Variants in SCNN1B observed in about 807,000 individuals in gnomAD.
SCNN1B encodes the protein epithelial sodium channel subunit beta.
SCNN1B carries 46 observed loss-of-function variants against 65.3 expected under a neutral mutation model. The ratio of observed to expected loss-of-function variants is 0.70; its 90% CI spans 0.56 to 0.90. SCNN1B has a LOEUF of 0.90. Ranked by LOEUF, SCNN1B falls within the 40% of genes least tolerant of loss-of-function variation. The pLI, the probability that SCNN1B is intolerant of heterozygous loss-of-function variation, is 0.00. For synonymous variants in SCNN1B, 349 were observed against 330.6 expected, an observed-to-expected ratio of 1.06 and a Z score of -0.60; for missense variants, 751 against 830.5, an observed-to-expected ratio of 0.90 and a Z score of 1.18.
intron 1 of SCNN1B, among the ~76,000 whole-genome samples, chr16:23,347,112 A>G (rs543022989): frequency 6.6e-6 from 1 of 152,240 alleles, no homozygotes; most frequent in East Asian, 1.9e-4. Context: ...AACAAACAAA[A>G]AGCCAGAAAA....
At chr16:23,368,496 C>G (rs547401704) in intron 5 of SCNN1B, among the ~76,000 whole-genome samples, 5 of 152,244 alleles carry the variant, frequency 3.3e-5, no homozygotes, top group African/African-American at 9.6e-5. Flanking sequence ...GAGCCATGAT[C>G]ACACCACTGC....
Position 23,380,553 on chromosome 16 carries a change from G to A in SCNN1B, c.1675G>A (p.Ala559Thr), listed in dbSNP as rs781120042. Residue 559 changes from alanine (A) to threonine (T), a missense_variant, in exon 13 of 13, where the codon GCC (alanine) becomes ACC (threonine). Transcript: ENST00000343070. This position sits in a 1 kb window ranked among gnomAD's most constrained non-coding sequence, Gnocchi z 5.4. ...CACCATCATCAAGCTGGTGGCCTTGGCCAAGAGCCTACGGCAGCGGCGAGC... is the reference window on the plus strand; with the variant it reads ...CACCATCATCAAGCTGGTGGCCTTGACCAAGAGCCTACGGCAGCGGCGAGC... ...WITIIKLVAL[A>T]KSLRQRRAQA... 7 of 1,614,160 alleles carry A rather than the reference G, an allele frequency of 4.3e-6. No individual in the cohort carries two copies. The highest frequency in any genetic ancestry group is 2.2e-5 in the South Asian group (2 of 91,086).
intron 1 of SCNN1B, among the ~76,000 whole-genome samples, chr16:23,316,257 C>A (rs1263723266): frequency 6.7e-6 from 1 of 148,958 alleles, no homozygotes; most frequent in African/African-American, 2.5e-5. Flanking sequence ...ATCATCACAA[C>A]CATTATCACC....
intron 1 of SCNN1B, among the ~76,000 whole-genome samples, chr16:23,279,030 A>G (rs1003121935): frequency 6.6e-6 from 1 of 151,744 alleles, no homozygotes; most frequent in Non-Finnish European, 1.5e-5. Context: ...GGGTGTTGAA[A>G]AAAAGCCTCC....
chr16:23,279,044 G>T (rs558396252), intron 1 of SCNN1B, among the ~76,000 whole-genome samples: 1 of 151,432 alleles, frequency 6.6e-6, no homozygotes, highest in African/African-American at 2.4e-5. Context: ...AGCCTCCAAA[G>T]TCTTTGGTCT....
At chr16:23,375,308 A>G (rs1962870516) in intron 7 of SCNN1B, among the ~76,000 whole-genome samples, 2 of 152,186 alleles carry the variant, frequency 1.3e-5, no homozygotes, top group South Asian at 4.2e-4. Flanking sequence ...GAAGGAGCAC[A>G]GAGCCAGCCT....
At chr16:23,317,725 T>C (rs1961502561) in intron 1 of SCNN1B, among the ~76,000 whole-genome samples, 1 of 152,118 alleles carries the variant, frequency 6.6e-6, no homozygotes, top group Admixed American at 6.5e-5. Context: ...TTTTTGATGA[T>C]TTGCTTCTAA....
rs199810483 is a variant in SCNN1B at position 23,352,917 on chromosome 16, C to T, written c.428C>T (p.Ser143Phe). Residue 143 changes from serine (S) to phenylalanine (F), a missense_variant, in exon 3 of 13, where the codon TCC (serine) becomes TTC (phenylalanine). Physicochemically the swap from Ser to Phe is radical, Grantham distance 155 (BLOSUM62 -2). Coordinates refer to ENST00000343070, the MANE Select transcript of SCNN1B (RefSeq NM_000336.3). The part of the protein sequence containing the change: ...HANATRNLNF[S>F]IWNHTPLVLI... ...AATGCCACCAGGAACCTGAACTTCT[C>T]CATCTGGAACCACACACCCCTGGTC... 140 of 1,614,204 alleles carry T rather than the reference C, an allele frequency of 8.7e-5. No homozygotes were observed. The highest frequency in any genetic ancestry group is 3.3e-4 in the Middle Eastern group (2 of 6,062).
rs751407475 is a variant in SCNN1B, at chr16:23,375,845, C to T, written c.1260C>T (p.Phe420=). 2.5e-6 allele frequency: 4 copies of T among 1,610,528 alleles called. No homozygotes were observed. Among genetic ancestry groups the T allele is most frequent in the South Asian group, 2.2e-5 (2 of 91,016 alleles). ...RGEKYCNNRD[F]PDWAHCYSDL... is the part of the protein sequence containing the mutation. ...AGAAATACTGCAACAACCGGGACTTCCCAGACTGGGGTGAGCGGGGGCACG... is the reference window on the plus strand; with the variant it reads ...AGAAATACTGCAACAACCGGGACTTTCCAGACTGGGGTGAGCGGGGGCACG... Residue 420 remains phenylalanine, a synonymous_variant, in exon 8 of 13, where the codon TTC becomes TTT. Transcript: ENST00000343070.
chr16:23,368,293 C>T (rs1382259195), intron 5 of SCNN1B, among the ~76,000 whole-genome samples: 1 of 152,164 alleles, frequency 6.6e-6, no homozygotes, highest in Non-Finnish European at 1.5e-5. Context: ...AATCCCAACA[C>T]TTTGGGAGGC....
intron 2 of SCNN1B, among the ~76,000 whole-genome samples, chr16:23,284,729 C>A (rs1012819049): frequency 2.0e-5 from 3 of 152,192 alleles, no homozygotes; most frequent in African/African-American, 7.2e-5. Flanking sequence ...GGAGAGCACA[C>A]CCCATGTCTA....
intron 10 of SCNN1B, among the ~76,000 whole-genome samples, chr16:23,377,656 CTTCTTT>C (rs1962938306): frequency 6.8e-6 from 1 of 146,822 alleles, no homozygotes; most frequent in Admixed American, 6.8e-5. Flanking sequence ...TCCCTCCCTT[CTTCTTT>C]CCTTCCTTCC....
At chr16:23,290,015 G>A (rs1294879921) in intron 2 of SCNN1B, among the ~76,000 whole-genome samples, 1 of 152,026 alleles carries the variant, frequency 6.6e-6, no homozygotes. Context: ...CCTCACAAAT[G>A]AAGTAAAAAG....
At chr16:23,300,204 T>C (rs1961054070), upstream of SCNN1B, among the ~76,000 whole-genome samples, 1 of 152,012 alleles carries the variant, frequency 6.6e-6, no homozygotes, top group African/African-American at 2.4e-5. Flanking sequence ...GGTGGAGGGC[T>C]AGGGGACGGA....
rs1013749923 is a variant in SCNN1B, at chr16:23,348,999, TTTCC to T, written c.311+97_311+100del. The T allele has an allele frequency of 3.0e-5, 32 of 1,081,218 alleles. No individual in the cohort carries two copies. The highest frequency in any genetic ancestry group is 4.0e-4 in the Middle Eastern group (2 of 5,054). 67.0% of individuals were successfully genotyped at this position (1,081,218 alleles called of 1,614,324 possible). ...TCCCTTCTACCTTTCCTTTCCTTCC[TTTCC>T]TTCCTTCTCCTTTCTCTCCTTCTCT... On this transcript the variant is annotated intron_variant, in intron 2 of 12. Coordinates refer to ENST00000343070, the MANE Select transcript of SCNN1B (RefSeq NM_000336.3). This position sits in a 1 kb window ranked among gnomAD's most constrained non-coding sequence, Gnocchi z 4.5.
rs1555487090 is a variant in SCNN1B, at chr16:23,343,656, A to AAAGAAAGAAAGG, written c.-8-4933_-8-4932insAAAGAAAGGAAG. Among the ~76,000 whole-genome samples, 72 of 115,978 alleles carry AAAGAAAGAAAGG rather than the reference A, an allele frequency of 6.2e-4. 1 individual carries two copies. The highest frequency in any genetic ancestry group is 8.4e-4 in the Non-Finnish European group (47 of 55,674). 76.1% of individuals were successfully genotyped at this position (115,978 alleles called of 152,430 possible). A position where few individuals can be genotyped will look rare whatever the true frequency, so the allele number is the denominator to read the frequency against. ...GAAAGAAAGAAAGAAAGAAAAAAAG[A>AAAGAAAGAAAGG]AAGGAAGGAAGGAAGAAAAAAAAAA... On this transcript the variant is annotated intron_variant, in intron 1 of 12. Coordinates refer to ENST00000343070, the MANE Select transcript of SCNN1B (RefSeq NM_000336.3).
At position 23,377,332 on chromosome 16, in the gene SCNN1B, C is replaced by T. The variant is rs1447466691; in HGVS notation, c.1350C>T (p.Asp450=). 6.2e-7 allele frequency: 1 copy of T among 1,614,180 alleles called. No homozygotes were observed. The highest frequency in any genetic ancestry group is 1.1e-5 in the South Asian group (1 of 91,082). The change falls in exon 10 of 13, where the codon GAC becomes GAT. Residue 450 remains aspartate (D), a synonymous_variant. Coordinates refer to ENST00000343070, the MANE Select transcript of SCNN1B (RefSeq NM_000336.3). The part of the protein sequence containing the change: ...CIGMCKESCN[D]TQYKMTISMA... ...CAGGCCTGGCCTTCTCTTTCAGTGA[C>T]ACCCAGTACAAGATGACCATCTCCA...
chr16:23,361,442 G>A (rs1379681276), intron 4 of SCNN1B, among the ~76,000 whole-genome samples: 1 of 152,188 alleles, frequency 6.6e-6, no homozygotes, highest in African/African-American at 2.4e-5. Context: ...AGTGGGAAAG[G>A]AGCATTGAGC....
At chr16:23,368,264 C>T (rs948767627) in intron 5 of SCNN1B, among the ~76,000 whole-genome samples, 4 of 152,084 alleles carry the variant, frequency 2.6e-5, no homozygotes, top group Admixed American at 6.6e-5. Flanking sequence ...TTCAGCCAGG[C>T]GTGGTGGCTC....
Sources: gnomAD v4.1 joint callset for allele counts (sites outside exome capture counted in the v4.1 genomes callset) on GRCh38, gnomAD v4.1.1 for gene constraint, Gnocchi (gnomAD v3.1) non-coding constraint, MANE v1.5 for transcripts, NCBI Gene and HGNC (gene_info 2026-07-23, HGNC 2026-07-21) for gene names.